The following EPHA6 variants were observed in gnomAD, a reference collection of about 807,000 sequenced individuals.
EPHA6 encodes the protein EPH receptor A6.
Under a neutral mutation model 112.0 loss-of-function variants are expected in EPHA6, and 50 were observed. The ratio of observed to expected loss-of-function variants is 0.45; its 90% CI spans 0.36 to 0.56. The LOEUF (loss-of-function observed/expected upper bound fraction) is 0.56, where lower values mean the gene tolerates loss of function less well. EPHA6 is among the 20% of genes least tolerant of loss of function. EPHA6 has a pLI of 0.00. For missense variants in EPHA6, 1,280 were observed against 1,417.4 expected, an observed-to-expected ratio of 0.90 and a Z score of 1.56; for synonymous variants, 529 against 490.7, an observed-to-expected ratio of 1.08 and a Z score of -1.03.
rs2091449932 is a variant in EPHA6 at position 97,478,853 on chromosome 3, A to T, written c.2004-441A>T. Among the ~76,000 whole-genome samples, 7 of 152,170 alleles carry T rather than the reference A, an allele frequency of 4.6e-5. No individual in the cohort carries two copies. The South Asian group carries it at 1.2e-3, about 27-fold the overall frequency. ...CTTGAGAGCATGGTTATCCAGAGGGAGACTAGAACATGCCTCTACCAAATT... is the reference window on the plus strand; with the variant it reads ...CTTGAGAGCATGGTTATCCAGAGGGTGACTAGAACATGCCTCTACCAAATT... On this transcript the variant is annotated intron_variant, in intron 8 of 17. Coordinates refer to ENST00000389672, the MANE Select transcript of EPHA6 (RefSeq NM_001080448.3).
intron 14 of EPHA6, among the ~76,000 whole-genome samples, chr3:97,650,944 C>T (rs1396531567): frequency 1.3e-5 from 2 of 151,588 alleles, no homozygotes; most frequent in African/African-American, 4.8e-5. Context: ...TGAGAAACTC[C>T]AACTTTCTTT....
At chr3:97,748,562 A>T (rs1559645815) in intron 17 of EPHA6, 25 bp from the exon 18 acceptor site, 2 of 1,214,742 alleles carry the variant, frequency 1.6e-6, no homozygotes. Flanking sequence ...TCTCGCTCTC[A>T]CTCTTGCTCT....
At chr3:97,013,170 C>G (rs2044150185) in intron 3 of EPHA6, among the ~76,000 whole-genome samples, 1 of 152,068 alleles carries the variant, frequency 6.6e-6, no homozygotes, top group African/African-American at 2.4e-5. Flanking sequence ...AATTCTTTCT[C>G]AAGTCCAGTA....
chr3:97,747,431 A>C lies in EPHA6; in HGVS notation c.3137A>C (p.Glu1046Ala). Residue 1046 changes from glutamate to alanine, a missense_variant, in exon 17 of 18, where the codon GAG (glutamate) becomes GCG (alanine). Glu to Ala is a moderately radical substitution (Grantham distance 107, BLOSUM62 -1). Transcript: ENST00000389672. The stretch of plus-strand genomic sequence containing the variant: ...GTTTTGTTTTCTTACAGAATGCCAG[A>C]GTCCCCTGGTGAAGTTCCGGAATAT... ...TLVEDILVMP[E>A]SPGEVPEYPL... 6.4e-7 allele frequency: 1 copy of C among 1,554,240 alleles called. No individual in the cohort carries two copies. Among genetic ancestry groups the C allele is most frequent in the East Asian group, 2.4e-5 (1 of 41,700 alleles).
At chr3:96,959,215 G>A (rs1007895361) in intron 2 of EPHA6, among the ~76,000 whole-genome samples, 1 of 152,164 alleles carries the variant, frequency 6.6e-6, no homozygotes, top group Admixed American at 6.5e-5. Context: ...TAAGCGTGGA[G>A]TGGTTTTATA....
At chr3:97,540,914 G>C (rs1206426593) in intron 11 of EPHA6, among the ~76,000 whole-genome samples, 1 of 151,984 alleles carries the variant, frequency 6.6e-6, no homozygotes, top group Non-Finnish European at 1.5e-5. Context: ...AATTGGGAAG[G>C]GCTGTAGATA....
chr3:97,422,566 A>C (rs1577341579), intron 6 of EPHA6, among the ~76,000 whole-genome samples: 2 of 152,306 alleles, frequency 1.3e-5, no homozygotes, highest in Middle Eastern at 3.4e-3. Context: ...GAGACGTAAA[A>C]TCAGCACTTG....
chr3:97,015,919 A>T (rs1011277225), intron 3 of EPHA6, among the ~76,000 whole-genome samples: 4 of 152,168 alleles, frequency 2.6e-5, no homozygotes, highest in Admixed American at 1.3e-4. Context: ...ATTTAAGGAA[A>T]ATCAGTGTTT....
At chr3:97,125,070 T>A (rs2048146785) in intron 3 of EPHA6, among the ~76,000 whole-genome samples, 1 of 152,138 alleles carries the variant, frequency 6.6e-6, no homozygotes, top group Non-Finnish European at 1.5e-5. Flanking sequence ...CTTAGAGAAA[T>A]GCAGGATATC....
intron 5 of EPHA6, among the ~76,000 whole-genome samples, chr3:97,324,435 TTC>T (rs1341873560): frequency 4.0e-4 from 60 of 148,452 alleles, no homozygotes; most frequent in Non-Finnish European, 7.6e-4. Context: ...CTTTCTTTCT[TTC>T]TTTCTTTCTT....
intron 1 of EPHA6, among the ~76,000 whole-genome samples, chr3:96,852,537 A>T (rs1279158211): frequency 6.6e-6 from 1 of 150,474 alleles, no homozygotes; most frequent in Admixed American, 6.6e-5. Context: ...AGGTGTTCTC[A>T]GTTACCTTGG....
chr3:97,100,192 A>G (rs572000389), intron 3 of EPHA6, among the ~76,000 whole-genome samples: 1 of 151,222 alleles, frequency 6.6e-6, no homozygotes, highest in South Asian at 2.1e-4. Flanking sequence ...TAATAGAATA[A>G]GAAATGCAGT....
At chr3:97,108,795 T>C (rs889377940) in intron 3 of EPHA6, among the ~76,000 whole-genome samples, 6 of 152,186 alleles carry the variant, frequency 3.9e-5, no homozygotes, top group Non-Finnish European at 8.8e-5. Flanking sequence ...CACTTCCAAA[T>C]ACTTCCAGTT....
chr3:97,159,125 G>C (rs558198159), intron 3 of EPHA6, among the ~76,000 whole-genome samples: 1 of 152,212 alleles, frequency 6.6e-6, no homozygotes, highest in Admixed American at 6.5e-5. Context: ...GGTTAATGTT[G>C]TTTTCTAATG....
At chr3:97,576,345 C>T (rs976824642) in intron 11 of EPHA6, among the ~76,000 whole-genome samples, 22 of 151,934 alleles carry the variant, frequency 1.4e-4, no homozygotes, top group Non-Finnish European at 2.8e-4. Context: ...GGTATATTAC[C>T]ATCGTGAAAG....
At chr3:96,953,304 C>T (rs1374489339) in intron 2 of EPHA6, among the ~76,000 whole-genome samples, 1 of 152,054 alleles carries the variant, frequency 6.6e-6, no homozygotes, top group Non-Finnish European at 1.5e-5. Context: ...TGGAAATTCA[C>T]TTAGTGTTTG....
chr3:97,717,949 C>A (rs2034324471), intron 14 of EPHA6, among the ~76,000 whole-genome samples: 1 of 152,038 alleles, frequency 6.6e-6, no homozygotes, highest in Non-Finnish European at 1.5e-5. Context: ...GCTTTTTGAC[C>A]TATCTTAATA....
At chr3:97,195,496 C>A (rs1316356480) in intron 3 of EPHA6, among the ~76,000 whole-genome samples, 1 of 151,904 alleles carries the variant, frequency 6.6e-6, no homozygotes, top group East Asian at 1.9e-4. Context: ...ATCTTTTAGT[C>A]TTTCTAGTCA....
In EPHA6 at chr3:96,819,770, A is replaced by T. The variant is rs138729423; in HGVS notation, c.385+4762A>T. On this transcript the variant is annotated intron_variant, in intron 1 of 17. Coordinates refer to ENST00000389672, the MANE Select transcript of EPHA6 (RefSeq NM_001080448.3). Reference sequence around the variant, plus strand: ...TGACATTTAAACAAACTGAAGATACATTCTGTTCTTGCATTATTTTATTGA... The same window carrying T: ...TGACATTTAAACAAACTGAAGATACTTTCTGTTCTTGCATTATTTTATTGA... Among the ~76,000 whole-genome samples the T allele has an allele frequency of 5.1e-3, 780 of 152,266 alleles. 12 individuals carry two copies. Among genetic ancestry groups the T allele is most frequent in the African/African-American group, 0.017 (712 of 41,578 alleles).
Sources: gnomAD v4.1 joint callset for allele counts (sites outside exome capture counted in the v4.1 genomes callset) on GRCh38, gnomAD v4.1.1 for gene constraint, MANE v1.5 for transcripts, NCBI Gene and HGNC (gene_info 2026-07-23, HGNC 2026-07-21) for gene names.